Variants in VPS13B observed in about 807,000 individuals in gnomAD.
VPS13B encodes intermembrane lipid transfer protein VPS13B.
Under a neutral mutation model 426.4 loss-of-function variants are expected in VPS13B, and 285 were observed. The ratio of observed to expected loss-of-function variants is 0.67; its 90% CI spans 0.61 to 0.74. The LOEUF (loss-of-function observed/expected upper bound fraction) is 0.74, where lower values mean the gene tolerates loss of function less well. Ranked by LOEUF, VPS13B falls within the 30% of genes least tolerant of loss-of-function variation. The probability of loss-of-function intolerance (pLI) is 0.00; values close to 1 mark genes in which losing one functional copy is unlikely to be tolerated. For missense variants in VPS13B, 4,537 were observed against 4,782.6 expected, an observed-to-expected ratio of 0.95 and a Z score of 1.51; for synonymous variants, 1,676 against 1,676.4, an observed-to-expected ratio of 1.00 and a Z score of 0.01.
At chr8:99,690,820 C>G (rs75354173) in intron 35 of VPS13B, among the ~76,000 whole-genome samples, 8 of 151,964 alleles carry the variant, frequency 5.3e-5, no homozygotes, top group African/African-American at 1.7e-4. Flanking sequence ...TAGTCCTTCA[C>G]GCTCACTAGG....
At chr8:99,815,300 T>TA (rs1813963021) in intron 44 of VPS13B, among the ~76,000 whole-genome samples, 1 of 151,954 alleles carries the variant, frequency 6.6e-6, no homozygotes, top group Admixed American at 6.6e-5. Context: ...GCGAATAGTG[T>TA]AAGTTCCAGT....
Position 99,717,279 on chromosome 8 carries a change from A to G in VPS13B, c.6563A>G (p.Asn2188Ser), listed in dbSNP as rs1399212150. The change falls in exon 37 of 62, where the codon AAT becomes AGT. Residue 2188 changes from asparagine (N) to serine (S), a missense_variant. By Grantham distance (46) the Asn-to-Ser change is conservative. This residue lies in a region of VPS13B where 4,311 missense variants were observed against 4,474.3 expected (regional missense o/e 0.96). Transcript: ENST00000357162. Reference sequence around the variant, plus strand: ...ATAGGACCATGTTGTGCTACTGCCAATCTGGAAGCTAAGTGGTGTAAACAC... The same window carrying G: ...ATAGGACCATGTTGTGCTACTGCCAGTCTGGAAGCTAAGTGGTGTAAACAC... ...ILIGPCCATANLEAKWCKHSG... is the reference protein window; with the variant it reads ...ILIGPCCATASLEAKWCKHSG... 2 of 1,614,110 alleles carry G rather than the reference A, an allele frequency of 1.2e-6. No homozygotes were observed. Among genetic ancestry groups the G allele is most frequent in the Admixed American group, 1.7e-5 (1 of 60,002 alleles).
intron 21 of VPS13B, among the ~76,000 whole-genome samples, chr8:99,411,071 A>G (rs1815627438): frequency 6.6e-6 from 1 of 152,180 alleles, no homozygotes; most frequent in South Asian, 2.1e-4. Context: ...TCCTTTGGGT[A>G]TATACCTGGT....
At chr8:99,779,546 A>G (rs779035164) in intron 42 of VPS13B, among the ~76,000 whole-genome samples, 1 of 152,218 alleles carries the variant, frequency 6.6e-6, no homozygotes, top group Non-Finnish European at 1.5e-5. Context: ...ACTAAAAAGT[A>G]CTAGATAATG....
At chr8:99,247,060 A>G (rs1449382523) in intron 17 of VPS13B, among the ~76,000 whole-genome samples, 2 of 152,104 alleles carry the variant, frequency 1.3e-5, no homozygotes, top group East Asian at 3.9e-4. Flanking sequence ...AATATAGTTA[A>G]TTTTGCATAG....
intron 30 of VPS13B, among the ~76,000 whole-genome samples, chr8:99,533,481 A>G (rs1432736391): frequency 1.7e-4 from 26 of 152,176 alleles, no homozygotes. Context: ...GACTTTTCAT[A>G]GGGTTAATGT....
At chr8:99,697,391 G>T in intron 35 of VPS13B, 1 of 613,806 alleles carries the variant, frequency 1.6e-6, no homozygotes, top group South Asian at 1.9e-5. Flanking sequence ...TGTGGTCAGA[G>T]ACCCTGAAGG....
At position 99,820,362 on chromosome 8, in the gene VPS13B, A is replaced by G. The variant is rs939867238; in HGVS notation, c.8994+240A>G. Among the ~76,000 whole-genome samples, 3 of 152,162 alleles carry G rather than the reference A, an allele frequency of 2.0e-5. No homozygotes were observed. In the East Asian group the frequency reaches 5.8e-4, roughly 29 times the overall value. The stretch of plus-strand genomic sequence containing the variant: ...AAATTTGATAACTTGGATTAGTTAC[A>G]TTCTTATTTCCATTGTTATAGGATA... On this transcript the variant is annotated intron_variant, in intron 49 of 61. Coordinates refer to ENST00000357162, the MANE Select transcript of VPS13B (RefSeq NM_152564.5).
chr8:99,543,566 G>C (rs1434680397), intron 30 of VPS13B, among the ~76,000 whole-genome samples: 1 of 151,948 alleles, frequency 6.6e-6, no homozygotes, highest in African/African-American at 2.4e-5. Flanking sequence ...CTACTCATCT[G>C]ACAAAGGGCT....
chr8:99,104,658 C>G (rs925550184), intron 5 of VPS13B, among the ~76,000 whole-genome samples: 1 of 148,426 alleles, frequency 6.7e-6, no homozygotes, highest in Non-Finnish European at 1.5e-5. Context: ...GGGTCTCATT[C>G]TGTTGCCCAG....
chr8:99,484,239 T>C (rs1381361468), intron 25 of VPS13B, among the ~76,000 whole-genome samples: 1 of 152,156 alleles, frequency 6.6e-6, no homozygotes, highest in Non-Finnish European at 1.5e-5. Context: ...CTTATATGAC[T>C]GAAATTCATT....
chr8:99,096,097 T>G (rs994987815), intron 3 of VPS13B, among the ~76,000 whole-genome samples: 2 of 152,176 alleles, frequency 1.3e-5, no homozygotes, highest in Non-Finnish European at 2.9e-5. Context: ...AAAGAAGAAT[T>G]TATAGTTTTA....
intron 21 of VPS13B, among the ~76,000 whole-genome samples, chr8:99,413,609 C>T (rs1269613827): frequency 6.6e-6 from 1 of 151,814 alleles, no homozygotes. Flanking sequence ...TAGCTGTATC[C>T]CCGAGATTCT....
chr8:99,472,718 G>A (rs932549985), intron 24 of VPS13B, among the ~76,000 whole-genome samples: 1 of 151,798 alleles, frequency 6.6e-6, no homozygotes, highest in African/African-American at 2.4e-5. Context: ...AAAAAAGTGA[G>A]CAAGAGATAG....
rs117322256 is a variant in VPS13B at position 99,751,562 on chromosome 8, G to A, written c.7051-15212G>A. Among the ~76,000 whole-genome samples the A allele has an allele frequency of 1.9e-3, 284 of 152,168 alleles. 2 individuals carry two copies. The East Asian group carries it at 0.046, about 25-fold the overall frequency. ...ATCATGTCTGTCTGCCTCGCTGATCGTTGTATCCCTAGTTTACACTTATCA... is the reference window on the plus strand; with the variant it reads ...ATCATGTCTGTCTGCCTCGCTGATCATTGTATCCCTAGTTTACACTTATCA... On this transcript the variant is annotated intron_variant, in intron 39 of 61. Coordinates refer to ENST00000357162, the MANE Select transcript of VPS13B (RefSeq NM_152564.5).
intron 15 of VPS13B, among the ~76,000 whole-genome samples, chr8:99,160,938 TC>T (rs1364354287): frequency 6.6e-6 from 1 of 152,194 alleles, no homozygotes; most frequent in Admixed American, 6.5e-5. Flanking sequence ...AAGCCTTTTT[TC>T]TCAAGGATGG....
chr8:99,730,978 T>A (rs1833575591), intron 39 of VPS13B, among the ~76,000 whole-genome samples: 1 of 152,048 alleles, frequency 6.6e-6, no homozygotes, highest in African/African-American at 2.4e-5. Flanking sequence ...ACTGAGGTGA[T>A]CCTTGAAGGA....
intron 3 of VPS13B, among the ~76,000 whole-genome samples, chr8:99,089,402 G>A (rs956786684): frequency 6.6e-6 from 1 of 152,228 alleles, no homozygotes; most frequent in Admixed American, 6.5e-5. Context: ...GCCTCAGGAC[G>A]TCCTGATGAC....
chr8:99,670,962 C>G (rs1830692079), intron 35 of VPS13B, among the ~76,000 whole-genome samples: 1 of 152,062 alleles, frequency 6.6e-6, no homozygotes, highest in Admixed American at 6.5e-5. Flanking sequence ...AAATATATCT[C>G]TTCGGCACAC....
Sources: gnomAD v4.1 joint callset for allele counts (sites outside exome capture counted in the v4.1 genomes callset) on GRCh38, gnomAD v4.1.1 for gene constraint, gnomAD v4.1.1 regional missense constraint, MANE v1.5 for transcripts, NCBI Gene and HGNC (gene_info 2026-07-23, HGNC 2026-07-21) for gene names.